Variants in CDC42EP1 observed in about 807,000 individuals in gnomAD.
CDC42EP1 encodes the protein CDC42 effector protein 1.
A neutral mutation model predicts 7.4 loss-of-function variants in CDC42EP1; 6 were observed. The ratio of observed to expected loss-of-function variants is 0.81; its 90% CI spans 0.44 to 1.60. The LOEUF (loss-of-function observed/expected upper bound fraction) is 1.60, where lower values mean the gene tolerates loss of function less well. CDC42EP1 is among the 40% of genes most tolerant of loss of function. The probability of loss-of-function intolerance (pLI) is 0.01; values close to 1 mark genes in which losing one functional copy is unlikely to be tolerated. For missense variants in CDC42EP1, 567 were observed against 539.0 expected, an observed-to-expected ratio of 1.05 and a Z score of -0.51; for synonymous variants, 238 against 227.1, an observed-to-expected ratio of 1.05 and a Z score of -0.43.
chr22:37,567,170 C>T (rs564350340), intron 2 of CDC42EP1, among the ~76,000 whole-genome samples: 1 of 152,266 alleles, frequency 6.6e-6, no homozygotes, highest in Non-Finnish European at 1.5e-5. Context: ...GGTGAAGGGC[C>T]TGGGCTCTAG....
At chr22:37,562,392 G>A (rs1925075645) in intron 1 of CDC42EP1, among the ~76,000 whole-genome samples, 1 of 152,224 alleles carries the variant, frequency 6.6e-6, no homozygotes, top group Admixed American at 6.5e-5. Context: ...ATGGCCAGCA[G>A]TGCCCTGTGG....
At chr22:37,565,874 C>G (rs1236917696) in intron 1 of CDC42EP1, among the ~76,000 whole-genome samples, 198 bp from the exon 2 acceptor site, 1 of 152,048 alleles carries the variant, frequency 6.6e-6, no homozygotes, top group Non-Finnish European at 1.5e-5. Flanking sequence ...GCCACCGCAC[C>G]CGGCTGTGTT....
chr22:37,566,288 G>GGCCCCCCC lies in CDC42EP1; in HGVS notation c.-62_-61insGCCCCCCC. ...GAGCTGAGCAGCCATCCCAAGCCCA[G>GGCCCCCCC]CCCACCTCCCTCCCCCGGCCCCTGG... On this transcript the variant is annotated 5_prime_UTR_variant, in exon 2 of 3. Transcript: ENST00000249014. The surrounding 1 kb of genome is among the most constrained non-coding windows in gnomAD (Gnocchi z 6.4). 1.2e-6 allele frequency: 1 copy of GGCCCCCCC among 835,942 alleles called. No homozygotes were observed. The highest frequency in any genetic ancestry group is 1.8e-6 in the Non-Finnish European group (1 of 563,012). The allele number at this position is 835,942 out of a possible 1,614,324, so 51.8% of individuals were successfully genotyped here.
rs1208234468 is a variant in CDC42EP1, at chr22:37,560,506, G to T, written c.-361G>T. On this transcript the variant is annotated 5_prime_UTR_variant, in exon 1 of 3. Transcript: ENST00000249014. ...CAGACCGGCCCAGCGACTCTCCCGG[G>T]CTGCCAGCCGGGACGCGCGGCCGCC... The T allele has an allele frequency of 6.7e-6, 1 of 149,466 alleles. No individual in the cohort carries two copies. Among genetic ancestry groups the T allele is most frequent in the Non-Finnish European group, 1.5e-5 (1 of 66,974 alleles). The allele number at this position is 149,466 out of a possible 1,614,324, so 9.3% of individuals were successfully genotyped here. A position where few individuals can be genotyped will look rare whatever the true frequency, so the allele number is the denominator to read the frequency against.
In CDC42EP1 at chr22:37,564,034, A is replaced by G. The variant is rs372935334; in HGVS notation, c.-278-2038A>G. ...CTCGGGAGGCGAGACTGGGCTCCAC[A>G]AGCCAGTCAAGGGCTTATGTGAGTC... On this transcript the variant is annotated intron_variant, in intron 1 of 2. Coordinates refer to ENST00000249014, the MANE Select transcript of CDC42EP1 (RefSeq NM_152243.3). Among the ~76,000 whole-genome samples the G allele has an allele frequency of 2.0e-3, 310 of 152,332 alleles. 2 individuals carry two copies. Among genetic ancestry groups the G allele is most frequent in the African/African-American group, 6.6e-3 (275 of 41,588 alleles).
chr22:37,568,679 C>T lies in CDC42EP1; in HGVS notation c.1035C>T (p.Pro345=). The change falls in exon 3 of 3, where the codon CCC becomes CCT. Residue 345 remains proline (P), a synonymous_variant. Transcript: ENST00000249014. ...GGCAGGAGCGGGTGGAGGTGCTGCCCCAAGCCCGGGCCTCCTGGGAGAGCC... is the reference window on the plus strand; with the variant it reads ...GGCAGGAGCGGGTGGAGGTGCTGCCTCAAGCCCGGGCCTCCTGGGAGAGCC... ...DARQERVEVL[P]QARASWESLD... The T allele has an allele frequency of 6.5e-7, 1 of 1,547,162 alleles. No individual in the cohort carries two copies. The highest frequency in any genetic ancestry group is 8.7e-7 in the Non-Finnish European group (1 of 1,146,306).
chr22:37,568,091 G>T lies in CDC42EP1; in HGVS notation c.464-17G>T, dbSNP rs73418181. 3.6e-3 allele frequency: 5,746 copies of T among 1,596,738 alleles called. 194 individuals are homozygous for T. In the African/African-American group the frequency reaches 0.068, roughly 19 times the overall value. ...GAGGGACCCCAGCTCTGAGCCCACT[G>T]CCCATTTCTCTTCTAGGCCTGGACT... On this transcript the variant is annotated splice_polypyrimidine_tract_variant and intron_variant, in intron 2 of 2. Coordinates refer to ENST00000249014, the MANE Select transcript of CDC42EP1 (RefSeq NM_152243.3).
rs187815065 is a variant in CDC42EP1 at position 37,563,204 on chromosome 22, C to T, written c.-279+2616C>T. 7.2e-5 allele frequency among the ~76,000 whole-genome samples: 11 copies of T among 152,244 alleles called. No homozygotes were observed. The East Asian group carries it at 2.1e-3, about 29-fold the overall frequency. ...TACAGGACATTGTACAGAGGAACAC[C>T]CTTCCCGCTCCCATTCCTTCCCCCA... On this transcript the variant is annotated intron_variant, in intron 1 of 2. Transcript: ENST00000249014.
In CDC42EP1 at chr22:37,568,217, C is replaced by G; in HGVS notation, c.573C>G (p.Asp191Glu). 1.2e-6 allele frequency: 2 copies of G among 1,613,994 alleles called. No homozygotes were observed. Among genetic ancestry groups the G allele is most frequent in the Non-Finnish European group, 8.5e-7 (1 of 1,179,996 alleles). ...FPSEPGLRRSDSLLSFRLDLD... is the reference protein window; with the variant it reads ...FPSEPGLRRSESLLSFRLDLD... ...CTGAGCCCGGGCTTCGCCGCTCTGA[C>G]TCTCTCTTGTCCTTCCGCCTGGACC... The change falls in exon 3 of 3, where the codon GAC becomes GAG. Residue 191 changes from aspartate (D) to glutamate (E), a missense_variant. Asp to Glu is a conservative substitution (Grantham distance 45, BLOSUM62 2). Transcript: ENST00000249014.
chr22:37,561,714 C>G (rs1249790064), intron 1 of CDC42EP1, among the ~76,000 whole-genome samples: 2 of 152,214 alleles, frequency 1.3e-5, no homozygotes, highest in Non-Finnish European at 2.9e-5. Flanking sequence ...GGGGCGTCAC[C>G]CAGCTGGATG....
chr22:37,569,113 A>C lies in CDC42EP1; in HGVS notation c.*293A>C. The C allele has an allele frequency of 3.6e-6, 1 of 280,844 alleles. No individual in the cohort carries two copies. The highest frequency in any genetic ancestry group is 6.6e-6 in the Non-Finnish European group (1 of 150,970). The allele number at this position is 280,844 out of a possible 1,614,324, so 17.4% of individuals were successfully genotyped here. A position where few individuals can be genotyped will look rare whatever the true frequency, so the allele number is the denominator to read the frequency against. On this transcript the variant is annotated 3_prime_UTR_variant, in exon 3 of 3. Transcript: ENST00000249014. ...CCCACCAGCTGGAGGACCCAGCCTC[A>C]CAGTGTGTCCTTTGTGCCAGACCAA... is the stretch of plus-strand genomic sequence containing the variant.
In CDC42EP1 at chr22:37,568,546, A is replaced by T. The variant is rs1272976313; in HGVS notation, c.902A>T (p.Lys301Met). 1 of 1,608,648 alleles carries T rather than the reference A, an allele frequency of 6.2e-7. No homozygotes were observed. Residue 301 changes from lysine to methionine, a missense_variant, in exon 3 of 3, where the codon AAG (lysine) becomes ATG (methionine). By Grantham distance (95) the Lys-to-Met change is moderately conservative. Coordinates refer to ENST00000249014, the MANE Select transcript of CDC42EP1 (RefSeq NM_152243.3). Reference sequence around the variant, plus strand: ...GGGTTGGGCCCAGTGGCTGAGGTGAAGTCCAGCCCAGTGGGAGGGGGTCCC... The same window carrying T: ...GGGTTGGGCCCAGTGGCTGAGGTGATGTCCAGCCCAGTGGGAGGGGGTCCC... ...TAGLGPVAEV[K>M]SSPVGGGPRG...
At chr22:37,563,185 A>T (rs1925108746) in intron 1 of CDC42EP1, among the ~76,000 whole-genome samples, 1 of 151,752 alleles carries the variant, frequency 6.6e-6, no homozygotes, top group African/African-American at 2.4e-5. Context: ...CTTCTACAGG[A>T]CATTGTACAG....
chr22:37,568,389 A>ACTGCAAACCCCACGGGTCCTG lies in CDC42EP1; in HGVS notation c.756_757insACGGGTCCTGCTGCAAACCCC (p.Pro252_Pro253insThrGlyProAlaAlaAsnPro). On this transcript the variant is annotated inframe_insertion, in exon 3 of 3. Transcript: ENST00000249014. ...TCCTGCTGCAAACCCCCCAGCCACT[A>ACTGCAAACCCCACGGGTCCTG]CTGCAAACCCCCCAGCGCCTGCTGC... 2.1e-6 allele frequency: 2 copies of ACTGCAAACCCCACGGGTCCTG among 960,678 alleles called. No homozygotes were observed. Among genetic ancestry groups the ACTGCAAACCCCACGGGTCCTG allele is most frequent in the Non-Finnish European group, 1.5e-6 (1 of 664,142 alleles). 59.5% of individuals were successfully genotyped at this position (960,678 alleles called of 1,614,324 possible). A position where few individuals can be genotyped will look rare whatever the true frequency, so the allele number is the denominator to read the frequency against.
At position 37,568,379 on chromosome 22, in the gene CDC42EP1, C is replaced by T. The variant is rs1925335859; in HGVS notation, c.735C>T (p.Pro245=). 6.7e-7 allele frequency: 1 copy of T among 1,487,870 alleles called. No homozygotes were observed. The highest frequency in any genetic ancestry group is 1.8e-5 in the Admixed American group (1 of 55,566). The allele number at this position is 1,487,870 out of a possible 1,614,324, so 92.2% of individuals were successfully genotyped here. ...ACCCCACGGGTCCTGCTGCAAACCC[C>T]CCAGCCACTACTGCAAACCCCCCAG... ...TANPTGPAAN[P]PATTANPPAP... Residue 245 remains proline (P), a synonymous_variant, in exon 3 of 3, where the codon CCC becomes CCT. Coordinates refer to ENST00000249014, the MANE Select transcript of CDC42EP1 (RefSeq NM_152243.3).
chr22:37,566,395 G>A lies in CDC42EP1; in HGVS notation c.46G>A (p.Gly16Ser). The change falls in exon 2 of 3, where the codon GGC (glycine) becomes AGC (serine). Residue 16 changes from glycine to serine, a missense_variant. By Grantham distance (56) the Gly-to-Ser change is moderately conservative. Transcript: ENST00000249014. The surrounding 1 kb of genome is among the most constrained non-coding windows in gnomAD (Gnocchi z 6.4). ...CAGAGGCGCCGCCACCATGAGCCTG[G>A]GCAAGCTCTCGCCTGTGGGCTGGGT... ...GGRGAATMSL[G>S]KLSPVGWVSS... The A allele has an allele frequency of 1.3e-6, 2 of 1,585,680 alleles. No individual in the cohort carries two copies. Among genetic ancestry groups the A allele is most frequent in the Non-Finnish European group, 1.7e-6 (2 of 1,163,934 alleles).
chr22:37,561,985 G>A (rs1375710919), intron 1 of CDC42EP1, among the ~76,000 whole-genome samples: 1 of 152,190 alleles, frequency 6.6e-6, no homozygotes, highest in Non-Finnish European at 1.5e-5. Flanking sequence ...CCCAGGCCCT[G>A]ACTATCCTCT....
At position 37,566,485 on chromosome 22, in the gene CDC42EP1, C is replaced by T. The variant is rs1925244794; in HGVS notation, c.136C>T (p.Arg46Cys). Residue 46 changes from arginine (R) to cysteine (C), a missense_variant, in exon 2 of 3, where the codon CGC (arginine) becomes TGC (cysteine). Coordinates refer to ENST00000249014, the MANE Select transcript of CDC42EP1 (RefSeq NM_152243.3). This position sits in a 1 kb window ranked among gnomAD's most constrained non-coding sequence, Gnocchi z 6.4. ...GATCAGCCACCCACTCGGGGACTTC[C>T]GCCACACCATGCATGTGGGCCGTGG... Reference protein sequence around the residue: ...DMISHPLGDFRHTMHVGRGGD... With the variant: ...DMISHPLGDFCHTMHVGRGGD... 6 of 1,613,304 alleles carry T rather than the reference C, an allele frequency of 3.7e-6. No individual in the cohort carries two copies. The highest frequency in any genetic ancestry group is 5.1e-6 in the Non-Finnish European group (6 of 1,179,676).
chr22:37,562,726 G>A (rs1229656069), intron 1 of CDC42EP1, among the ~76,000 whole-genome samples: 1 of 151,988 alleles, frequency 6.6e-6, no homozygotes, highest in Non-Finnish European at 1.5e-5. Flanking sequence ...CGCAAGATTG[G>A]GGAGGAAGCT....
Sources: allele counts gnomAD v4.1 joint callset (sites outside exome capture counted in the v4.1 genomes callset), GRCh38; gene constraint gnomAD v4.1.1; non-coding constraint Gnocchi (gnomAD v3.1); transcripts MANE v1.5; gene names NCBI Gene and HGNC (gene_info 2026-07-23, HGNC 2026-07-21).